TBC1D15: variants seen among roughly 807,000 people sequenced by gnomAD.
TBC1D15 encodes TBC1 domain family member 15.
A neutral mutation model predicts 95.4 loss-of-function variants in TBC1D15; 39 were observed. The observed-to-expected ratio is 0.41, with a 90% CI of 0.32 to 0.53. TBC1D15 has a LOEUF of 0.53. TBC1D15 is among the 20% of genes least tolerant of loss of function. The pLI, the probability that TBC1D15 is intolerant of heterozygous loss-of-function variation, is 0.29. For synonymous variants in TBC1D15, 258 were observed against 261.3 expected (o/e 0.99, Z 0.12); for missense variants, 733 against 794.3 (o/e 0.92, Z 0.93).
intron 7 of TBC1D15, among the ~76,000 whole-genome samples, chr12:71,895,521 T>C (rs989495248): frequency 1.3e-5 from 2 of 152,084 alleles, no homozygotes; most frequent in African/African-American, 4.8e-5. Flanking sequence ...TTCTGAGAAA[T>C]ACAAACTTTA....
chr12:71,913,908 C>T lies in TBC1D15; in HGVS notation c.1383C>T (p.Ala461=). ...ENEVDAFWCF[A]SYMDQMHQNF... ...AAGTGGATGCCTTTTGGTGCTTTGC[C>T]TCTTACATGGACCAAATGGTAAGAA... The change falls in exon 12 of 17, where the codon GCC becomes GCT. Residue 461 remains alanine (A), a synonymous_variant. Transcript: ENST00000485960. 2 of 1,592,036 alleles carry T rather than the reference C, an allele frequency of 1.3e-6. No homozygotes were observed. The highest frequency in any genetic ancestry group is 1.7e-6 in the Non-Finnish European group (2 of 1,172,340).
chr12:71,895,390 T>C (rs77245880), intron 7 of TBC1D15, among the ~76,000 whole-genome samples: 2,299 of 152,178 alleles, frequency 0.015, 53 homozygotes, highest in African/African-American at 0.049. Context: ...TATAAATATC[T>C]AAATTTTAGT....
intron 1 of TBC1D15, among the ~76,000 whole-genome samples, chr12:71,851,325 C>G (rs1029858669): frequency 2.0e-5 from 3 of 152,072 alleles, no homozygotes; most frequent in Non-Finnish European, 4.4e-5. Flanking sequence ...GGCCCCACCT[C>G]CAACGTTGGG....
At chr12:71,850,096 A>G (rs1388345609) in intron 1 of TBC1D15, 1 of 519,500 alleles carries the variant, frequency 1.9e-6, no homozygotes, top group Non-Finnish European at 3.7e-6. Flanking sequence ...ATCTAATATC[A>G]GAAGACACTC....
chr12:71,851,965 C>G lies in TBC1D15; in HGVS notation c.30+12154C>G, dbSNP rs541121496. ...CTAGGCAGTGCTCTTGTGGAGGCACCGATACTACATTTCTCCTCCTCACTG... is the reference window on the plus strand; with the variant it reads ...CTAGGCAGTGCTCTTGTGGAGGCACGGATACTACATTTCTCCTCCTCACTG... On this transcript the variant is annotated intron_variant, in intron 1 of 16. Coordinates refer to ENST00000485960, the MANE Select transcript of TBC1D15 (RefSeq NM_001146213.3). Among the ~76,000 whole-genome samples, 9 of 152,308 alleles carry G rather than the reference C, an allele frequency of 5.9e-5. No homozygotes were observed. The South Asian group carries it at 1.7e-3, about 28-fold the overall frequency.
At chr12:71,854,880 A>G (rs935658760) in intron 1 of TBC1D15, 7 of 455,844 alleles carry the variant, frequency 1.5e-5, no homozygotes, top group Non-Finnish European at 3.1e-5. Flanking sequence ...TTGAATTTGT[A>G]TCATGTTTTC....
At chr12:71,895,694 T>C (rs925766006) in intron 7 of TBC1D15, among the ~76,000 whole-genome samples, 5 of 152,130 alleles carry the variant, frequency 3.3e-5, no homozygotes, top group Non-Finnish European at 7.4e-5. Context: ...AGCTTTCTTT[T>C]AATAACAAAT....
chr12:71,866,857 T>A (rs916608620), intron 1 of TBC1D15, among the ~76,000 whole-genome samples: 2 of 152,226 alleles, frequency 1.3e-5, no homozygotes, highest in Non-Finnish European at 2.9e-5. Context: ...ACGACCATCT[T>A]GCTGACACCA....
chr12:71,921,009 A>T (rs1463839179), intron 15 of TBC1D15, among the ~76,000 whole-genome samples, 162 bp downstream of exon 15: 1 of 152,052 alleles, frequency 6.6e-6, no homozygotes, highest in Non-Finnish European at 1.5e-5. Flanking sequence ...GTTCAAATAC[A>T]TATTGGCCAG....
chr12:71,864,374 T>TGTTTTC (rs1404853193), intron 1 of TBC1D15, among the ~76,000 whole-genome samples: 1 of 152,004 alleles, frequency 6.6e-6, no homozygotes, highest in Admixed American at 6.6e-5. Context: ...GGCTGCTTTT[T>TGTTTTC]GTTTTCGTTT....
At chr12:71,871,452 C>T (rs947613949) in intron 1 of TBC1D15, among the ~76,000 whole-genome samples, 1 of 151,982 alleles carries the variant, frequency 6.6e-6, no homozygotes, top group Non-Finnish European at 1.5e-5. Flanking sequence ...TAAAAATGTG[C>T]TATTATGGGA....
intron 3 of TBC1D15, among the ~76,000 whole-genome samples, chr12:71,875,260 A>G (rs1893550767): frequency 6.6e-6 from 1 of 152,096 alleles, no homozygotes; most frequent in African/African-American, 2.4e-5. Flanking sequence ...AGAATTCTTT[A>G]TATATTCTGG....
chr12:71,917,879 C>G, intron 13 of TBC1D15, 82 bp downstream of exon 13: 1 of 922,376 alleles, frequency 1.1e-6, no homozygotes, highest in South Asian at 1.5e-5. Context: ...TTTAAAGAAG[C>G]CAGGTGCAGT....
At chr12:71,906,949 C>T (rs1172449744) in intron 10 of TBC1D15, 73 bp from the exon 11 acceptor site, 10 of 903,200 alleles carry the variant, frequency 1.1e-5, no homozygotes, top group South Asian at 2.0e-5. Flanking sequence ...TGACTCTGTA[C>T]TTGTAAGATG....
intron 10 of TBC1D15, among the ~76,000 whole-genome samples, chr12:71,903,893 A>G (rs73336856): frequency 0.086 from 13,159 of 152,218 alleles, 648 homozygotes; most frequent in South Asian, 0.15. Flanking sequence ...GAAAAACTAC[A>G]TATTGGGTGT....
chr12:71,842,830 CAAAAAAAA>C (rs58842371), intron 1 of TBC1D15, among the ~76,000 whole-genome samples: 1 of 84,844 alleles, frequency 1.2e-5, no homozygotes, highest in Non-Finnish European at 2.7e-5. Flanking sequence ...GACCCTGTCT[CAAAAAAAA>C]AAAAAAAAAA....
At chr12:71,850,414 T>C (rs1887494512) in intron 1 of TBC1D15, 3 of 267,614 alleles carry the variant, frequency 1.1e-5, no homozygotes, top group Admixed American at 5.2e-5. Context: ...GCAGGTTGGC[T>C]GCACAGCCAC....
chr12:71,868,240 C>A (rs1052709966), intron 1 of TBC1D15, among the ~76,000 whole-genome samples: 5 of 132,360 alleles, frequency 3.8e-5, no homozygotes, highest in African/African-American at 8.5e-5. Context: ...GCAGCTTTGA[C>A]TTTTTTTTTT....
intron 10 of TBC1D15, among the ~76,000 whole-genome samples, chr12:71,901,802 C>T (rs542406485): frequency 6.6e-6 from 1 of 152,206 alleles, no homozygotes; most frequent in South Asian, 2.1e-4. Context: ...GGAAGTCACC[C>T]TCTCTTCACA....
Sources: allele counts gnomAD v4.1 joint callset (sites outside exome capture counted in the v4.1 genomes callset), GRCh38; gene constraint gnomAD v4.1.1; transcripts MANE v1.5; gene names NCBI Gene and HGNC (gene_info 2026-07-23, HGNC 2026-07-21).